Variants in TP53BP1 observed in about 807,000 individuals in gnomAD.
The protein encoded by TP53BP1 is TP53-binding protein 1.
TP53BP1 carries 61 observed loss-of-function variants against 200.8 expected under a neutral mutation model. The observed-to-expected ratio is 0.30, with a 90% CI of 0.25 to 0.38. The LOEUF (loss-of-function observed/expected upper bound fraction) is 0.38, where lower values mean the gene tolerates loss of function less well. Among genes scored for constraint, TP53BP1 ranks in the 10% least tolerant of loss-of-function variants. The pLI is 1.00. For synonymous variants in TP53BP1, 822 were observed against 844.3 expected, an observed-to-expected ratio of 0.97 and a Z score of 0.46; for missense variants, 2,144 against 2,371.9, an observed-to-expected ratio of 0.90 and a Z score of 2.00.
intron 6 of TP53BP1, 56 bp from the exon 7 acceptor site, chr15:43,479,582 T>TA (rs2078933711): frequency 6.5e-7 from 1 of 1,550,038 alleles, no homozygotes. Flanking sequence ...AAATACTAGA[T>TA]ACAGTCCCAG....
intron 1 of TP53BP1, among the ~76,000 whole-genome samples, chr15:43,508,227 G>A (rs1424171033): frequency 6.6e-6 from 1 of 152,104 alleles, no homozygotes; most frequent in Non-Finnish European, 1.5e-5. Flanking sequence ...GGGCATGGTG[G>A]CGCACGCCTG....
intron 5 of TP53BP1, among the ~76,000 whole-genome samples, chr15:43,480,438 A>T (rs2078947475): frequency 2.0e-5 from 3 of 152,040 alleles, no homozygotes; most frequent in Admixed American, 2.0e-4. Context: ...ACAGAGCAAG[A>T]CTCCGTCGCA....
chr15:43,457,984 A>G (rs45617138), intron 11 of TP53BP1, among the ~76,000 whole-genome samples: 2 of 152,172 alleles, frequency 1.3e-5, no homozygotes, highest in African/African-American at 4.8e-5. Flanking sequence ...GTGTCATTGC[A>G]CTCCAGTCTG....
At chr15:43,493,238 G>C (rs1363417301), upstream of TP53BP1, 3 of 1,455,524 alleles carry the variant, frequency 2.1e-6, no homozygotes, top group African/African-American at 2.8e-5. Flanking sequence ...GTGGATGATA[G>C]GTAGCTGCGG....
chr15:43,439,256 C>G (rs2245908), intron 15 of TP53BP1, among the ~76,000 whole-genome samples: 42,826 of 152,020 alleles, frequency 0.28, 10,256 homozygotes, highest in African/African-American at 0.65. Context: ...GTTTCATGTA[C>G]GCTGGGCACG....
intron 1 of TP53BP1, among the ~76,000 whole-genome samples, chr15:43,503,673 T>A (rs2140181627): frequency 6.6e-6 from 1 of 152,032 alleles, no homozygotes; most frequent in South Asian, 2.1e-4. Context: ...AAAAAAAGAT[T>A]CTTCCTTTCC....
intron 11 of TP53BP1, among the ~76,000 whole-genome samples, chr15:43,463,951 A>G (rs2046500076): frequency 6.6e-6 from 1 of 152,192 alleles, no homozygotes; most frequent in East Asian, 1.9e-4. Flanking sequence ...ATAGACCTCT[A>G]GTACAGCCAG....
At chr15:43,450,967 C>T (rs907618052) in intron 12 of TP53BP1, among the ~76,000 whole-genome samples, 1 of 152,116 alleles carries the variant, frequency 6.6e-6, no homozygotes, top group Non-Finnish European at 1.5e-5. Context: ...CTCCGCCTCC[C>T]GAGTTCAAGT....
Position 43,456,781 on chromosome 15 carries a change from G to T in TP53BP1, c.1827C>A (p.Cys609Ter). Residue 609 changes from cysteine (C) to a stop codon, truncating the protein, a stop_gained, in exon 12 of 28, where the codon TGC becomes TGA. Coordinates refer to ENST00000382044, the MANE Select transcript of TP53BP1 (RefSeq NM_001141980.3). LOFTEE classifies it high-confidence loss of function. ...CTGCTACCGTTTCTTCTCTGCCCTT[G>T]CAACCAGTGGCTAAAATACTAATGT... ...RDDISILATG[C>*]KGREETVAED... 1.2e-6 allele frequency: 2 copies of T among 1,613,970 alleles called. No individual in the cohort carries two copies. Among genetic ancestry groups the T allele is most frequent in the Non-Finnish European group, 1.7e-6 (2 of 1,180,044 alleles).
intron 1 of TP53BP1, among the ~76,000 whole-genome samples, chr15:43,492,683 C>A (rs1350247373): frequency 6.6e-6 from 1 of 152,068 alleles, no homozygotes; most frequent in Non-Finnish European, 1.5e-5. Flanking sequence ...GCCTGACTAT[C>A]CCTCCCTATT....
Position 43,447,505 on chromosome 15 carries a change from GA to G in TP53BP1, c.2717-21del. 9.0e-7 allele frequency: 1 copy of G among 1,116,980 alleles called. No individual in the cohort carries two copies. Among genetic ancestry groups the G allele is most frequent in the African/African-American group, 1.8e-5 (1 of 54,792 alleles). 69.2% of individuals were successfully genotyped at this position (1,116,980 alleles called of 1,614,324 possible). A position where few individuals can be genotyped will look rare whatever the true frequency, so the allele number is the denominator to read the frequency against. On this transcript the variant is annotated intron_variant, in intron 12 of 27. Coordinates refer to ENST00000382044, the MANE Select transcript of TP53BP1 (RefSeq NM_001141980.3). ...GGGTTTCTGAAAAAAAAAAAAAAAA[GA>G]AAAAAGAAAGAAAGAAAAAATGATT...
At chr15:43,507,426 C>A (rs1421520413) in intron 1 of TP53BP1, among the ~76,000 whole-genome samples, 2 of 152,172 alleles carry the variant, frequency 1.3e-5, no homozygotes, top group African/African-American at 2.4e-5. Flanking sequence ...TGAGCCACTG[C>A]GCCCAGCTAG....
chr15:43,480,445 C>T (rs939333455), intron 5 of TP53BP1, among the ~76,000 whole-genome samples: 3 of 150,130 alleles, frequency 2.0e-5, no homozygotes, highest in Non-Finnish European at 3.0e-5. Flanking sequence ...AAGACTCCGT[C>T]GCAAAAAAAT....
intron 11 of TP53BP1, 97 bp downstream of exon 11, chr15:43,469,761 T>C (rs1431313180): frequency 4.8e-6 from 5 of 1,031,172 alleles, no homozygotes; most frequent in South Asian, 1.5e-5. Context: ...AAATTATACA[T>C]TTAAAACGTG....
intron 4 of TP53BP1, among the ~76,000 whole-genome samples, chr15:43,481,921 T>C (rs1180920785): frequency 1.3e-5 from 2 of 151,322 alleles, no homozygotes; most frequent in Non-Finnish European, 2.9e-5. Flanking sequence ...GCAAACTCCA[T>C]ATATTTTTAA....
At chr15:43,459,328 G>A (rs2143011675) in intron 11 of TP53BP1, among the ~76,000 whole-genome samples, 1 of 152,016 alleles carries the variant, frequency 6.6e-6, no homozygotes, top group African/African-American at 2.4e-5. Flanking sequence ...CAGAGCGAGA[G>A]TCTGTCTCCA....
At chr15:43,451,290 C>T (rs925197698) in intron 12 of TP53BP1, among the ~76,000 whole-genome samples, 15 of 151,950 alleles carry the variant, frequency 9.9e-5, no homozygotes, top group Non-Finnish European at 2.2e-4. Context: ...CCCATCAACT[C>T]GTCATTTAGC....
intron 4 of TP53BP1, among the ~76,000 whole-genome samples, chr15:43,484,643 A>T (rs1004548088): frequency 1.3e-5 from 2 of 152,000 alleles, no homozygotes; most frequent in African/African-American, 4.8e-5. Context: ...CCTCCCTGCT[A>T]TTTCTCAAAT....
In TP53BP1 at chr15:43,428,138, G is replaced by A; in HGVS notation, c.3706C>T (p.Pro1236Ser). 1 of 1,614,020 alleles carries A rather than the reference G, an allele frequency of 6.2e-7. No homozygotes were observed. The change falls in exon 18 of 28, where the codon CCA becomes TCA. Residue 1236 changes from proline to serine, a missense_variant. By Grantham distance (74) the Pro-to-Ser change is moderately conservative. Around this residue, in one of 4 missense-constraint regions of TP53BP1, gnomAD observed 1,700 missense variants for 1,710.3 expected, o/e 0.99. Transcript: ENST00000382044. ...TGACGATGTAAGACATGGCCATGTG[G>A]AGGCTGAGGCATATCAAACTCTTCT... is the stretch of plus-strand genomic sequence containing the variant. ...GEEEFDMPQPPHGHVLHRHMR... is the reference protein window; with the variant it reads ...GEEEFDMPQPSHGHVLHRHMR...
Sources: gnomAD v4.1 joint callset for allele counts (sites outside exome capture counted in the v4.1 genomes callset) on GRCh38, gnomAD v4.1.1 for gene constraint, gnomAD v4.1.1 regional missense constraint, MANE v1.5 for transcripts, NCBI Gene and HGNC (gene_info 2026-07-23, HGNC 2026-07-21) for gene names.